The following ZC3HAV1L variants were observed in gnomAD, a reference collection of about 807,000 sequenced individuals.
ZC3HAV1L encodes the protein ZC3HAV1 like.
In ZC3HAV1L, 23 loss-of-function variants were observed where a neutral mutation model predicts 28.2. The observed-to-expected ratio is 0.82, with a 90% CI of 0.59 to 1.16. The LOEUF (loss-of-function observed/expected upper bound fraction) is 1.16, where lower values mean the gene tolerates loss of function less well. ZC3HAV1L is among the 50% of genes most tolerant of loss of function. The pLI is 0.00. For synonymous variants in ZC3HAV1L, 180 were observed against 163.4 expected, an observed-to-expected ratio of 1.10 and a Z score of -0.78; for missense variants, 376 against 387.7, an observed-to-expected ratio of 0.97 and a Z score of 0.25.
intron 3 of ZC3HAV1L, among the ~76,000 whole-genome samples, chr7:139,028,372 C>CAAAAAAAAAAAAAAAAAAAAAAAAAA (rs1487970195): frequency 8.4e-6 from 1 of 118,886 alleles, no homozygotes; most frequent in Non-Finnish European, 1.7e-5. Context: ...GACTCTGTCT[C>CAAAAAAAAAAAAAAAAAAAAAAAAAA]AAAAAAAAAA....
At chr7:139,035,605 A>G in intron 1 of ZC3HAV1L, 48 bp downstream of exon 1, 2 of 1,348,126 alleles carry the variant, frequency 1.5e-6, no homozygotes, top group South Asian at 3.7e-5. Flanking sequence ...CAGGACGGCC[A>G]GGCCCGCGGC....
chr7:139,024,373 CAAGTA>C (rs1815304317), downstream of ZC3HAV1L, among the ~76,000 whole-genome samples: 1 of 152,084 alleles, frequency 6.6e-6, no homozygotes, highest in East Asian at 1.9e-4. Context: ...AGAACATAAA[CAAGTA>C]AAGGTCCAGC....
chr7:139,028,691 G>A lies in ZC3HAV1L; in HGVS notation c.760+11C>T. ...CGCTGATACTTCTCTGTCCTTCTTG[G>A]ATATTCCTACCTGTATTTTCAAGCA... On this transcript the variant is annotated intron_variant, in intron 3 of 4. Coordinates refer to ENST00000275766, the MANE Select transcript of ZC3HAV1L (RefSeq NM_080660.4). The A allele has an allele frequency of 6.2e-7, 1 of 1,610,904 alleles. No homozygotes were observed. Among genetic ancestry groups the A allele is most frequent in the South Asian group, 1.1e-5 (1 of 90,882 alleles).
intron 1 of ZC3HAV1L, 104 bp from the exon 2 acceptor site, chr7:139,034,782 G>GA: frequency 6.8e-7 from 1 of 1,479,056 alleles, no homozygotes; most frequent in Non-Finnish European, 9.0e-7. Context: ...ATGTGAAGTT[G>GA]AGTAATTTTC....
At chr7:139,030,834 T>TAAATAAA (rs1563115010) in intron 2 of ZC3HAV1L, among the ~76,000 whole-genome samples, 2 of 39,392 alleles carry the variant, frequency 5.1e-5, no homozygotes, top group African/African-American at 1.5e-4. Context: ...ATAATAATAA[T>TAAATAAA]TAATTAATTA....
In ZC3HAV1L at chr7:139,028,933, C is replaced by A. The variant is rs1815440702; in HGVS notation, c.529G>T (p.Ala177Ser). Residue 177 changes from alanine to serine, a missense_variant, in exon 3 of 5, where the codon GCC (alanine) becomes TCC (serine). By Grantham distance (99) the Ala-to-Ser change is moderately conservative. Transcript: ENST00000275766. ...TTGAGGTTGCAGTAGCCATACAGGG[C>A]TTCCCCTTTGTTGTAGAGCAAACAG... ...EVCLLYNKGE[A>S]LYGYCNLKDK... 1.2e-6 allele frequency: 2 copies of A among 1,613,956 alleles called. No homozygotes were observed. Among genetic ancestry groups the A allele is most frequent in the Non-Finnish European group, 1.7e-6 (2 of 1,179,996 alleles).
intron 1 of ZC3HAV1L, chr7:139,034,932 G>A (rs1224858991): frequency 1.5e-5 from 15 of 985,344 alleles, no homozygotes; most frequent in Non-Finnish European, 1.8e-5. Context: ...GCCTGAGGAT[G>A]CACATCTGTT....
rs1193939147 is a variant in ZC3HAV1L at position 139,026,570 on chromosome 7, A to G, written c.887-10T>C. Reference sequence around the variant, plus strand: ...TACTTCTCGCAAGACACTGTGAGGTAGATATTATTATGACCATTACAAATC... The same window carrying G: ...TACTTCTCGCAAGACACTGTGAGGTGGATATTATTATGACCATTACAAATC... On this transcript the variant is annotated splice_polypyrimidine_tract_variant and intron_variant, in intron 4 of 4. Coordinates refer to ENST00000275766, the MANE Select transcript of ZC3HAV1L (RefSeq NM_080660.4). 6.2e-7 allele frequency: 1 copy of G among 1,611,982 alleles called. No individual in the cohort carries two copies. Among genetic ancestry groups the G allele is most frequent in the Non-Finnish European group, 8.5e-7 (1 of 1,177,972 alleles).
intron 2 of ZC3HAV1L, among the ~76,000 whole-genome samples, chr7:139,031,103 T>C (rs1048068611): frequency 6.6e-6 from 1 of 152,230 alleles, no homozygotes; most frequent in Non-Finnish European, 1.5e-5. Context: ...TTTAGGAATT[T>C]AAGTGATTCT....
downstream of ZC3HAV1L, among the ~76,000 whole-genome samples, chr7:139,024,505 A>G (rs1419833669): frequency 6.6e-6 from 1 of 152,220 alleles, no homozygotes; most frequent in Non-Finnish European, 1.5e-5. Flanking sequence ...AATAGTAATA[A>G]TTAAATGTAA....
chr7:139,026,916 A>G (rs1170486483), intron 3 of ZC3HAV1L, 83 bp from the exon 4 acceptor site: 2 of 1,474,088 alleles, frequency 1.4e-6, no homozygotes, highest in Non-Finnish European at 1.8e-6. Flanking sequence ...CTAACCAGCC[A>G]TCAGACAAGA....
At chr7:139,026,864 C>G in intron 3 of ZC3HAV1L, 31 bp from the exon 4 acceptor site, 1 of 1,589,108 alleles carries the variant, frequency 6.3e-7, no homozygotes, top group Admixed American at 1.7e-5. Flanking sequence ...AGTTTTCCTA[C>G]GATACCCCAA....
At chr7:139,033,275 C>T (rs978694364) in intron 2 of ZC3HAV1L, among the ~76,000 whole-genome samples, 2 of 151,494 alleles carry the variant, frequency 1.3e-5, no homozygotes, top group South Asian at 4.2e-4. Context: ...TTGTTTAATG[C>T]TTTTATTTTA....
At chr7:139,029,353 A>G (rs901589289) in intron 2 of ZC3HAV1L, among the ~76,000 whole-genome samples, 1 of 152,136 alleles carries the variant, frequency 6.6e-6, no homozygotes, top group Non-Finnish European at 1.5e-5. Flanking sequence ...TAGCTTCTCT[A>G]GCTAAACTGA....
Position 139,026,808 on chromosome 7 carries a change from ATGCTCAGTC to A in ZC3HAV1L, c.777_785del (p.Thr260_His262del), listed in dbSNP as rs1182254500. On this transcript the variant is annotated inframe_deletion, in exon 4 of 5. Transcript: ENST00000275766. ...CTCCTTGCTTCTCAAGGCCTTGTGAATGCTCAGTCGAAGGTGATGAATTATCTACAAAGA... is the reference window on the plus strand; with the variant it reads ...CTCCTTGCTTCTCAAGGCCTTGTGAAGAAGGTGATGAATTATCTACAAAGA... 1 of 1,613,962 alleles carries A rather than the reference ATGCTCAGTC, an allele frequency of 6.2e-7. No individual in the cohort carries two copies. The highest frequency in any genetic ancestry group is 1.3e-5 in the African/African-American group (1 of 74,938).
Position 139,028,810 on chromosome 7 carries a change from A to G in ZC3HAV1L, c.652T>C (p.Ser218Pro). Reference protein sequence around the residue: ...KRSHQLIHAASLKLLQDQGLN... With the variant: ...KRSHQLIHAAPLKLLQDQGLN... ...CCTTGGTCCTGTAGCAGCTTCAAAG[A>G]TGCAGCATGGATAAGCTGATGGGAC... is the stretch of plus-strand genomic sequence containing the variant. Residue 218 changes from serine to proline, a missense_variant, in exon 3 of 5, where the codon TCT (serine) becomes CCT (proline). By Grantham distance (74) the Ser-to-Pro change is moderately conservative (BLOSUM62 -1). Transcript: ENST00000275766. 1 of 1,614,216 alleles carries G rather than the reference A, an allele frequency of 6.2e-7. No homozygotes were observed. The highest frequency in any genetic ancestry group is 1.6e-4 in the Middle Eastern group (1 of 6,062).
intron 2 of ZC3HAV1L, chr7:139,034,036 T>G (rs1260418630): frequency 2.0e-6 from 2 of 985,346 alleles, no homozygotes; most frequent in East Asian, 2.3e-4. Flanking sequence ...CAGGACTGCC[T>G]TCTGGGTACA....
chr7:139,033,105 A>G (rs1013917285), intron 2 of ZC3HAV1L, among the ~76,000 whole-genome samples: 19 of 152,072 alleles, frequency 1.2e-4, no homozygotes, highest in African/African-American at 4.3e-4. Context: ...ACTATTCAGG[A>G]GACTGAGGTG....
chr7:139,034,757 C>T, intron 1 of ZC3HAV1L, 79 bp from the exon 2 acceptor site: 1 of 1,569,880 alleles, frequency 6.4e-7, no homozygotes. Context: ...GAGCAGCTTT[C>T]AATGTATTTA....
Sources: allele counts gnomAD v4.1 joint callset (sites outside exome capture counted in the v4.1 genomes callset), GRCh38; gene constraint gnomAD v4.1.1; transcripts MANE v1.5; gene names NCBI Gene and HGNC (gene_info 2026-07-23, HGNC 2026-07-21).